The following ARHGEF26 variants were observed in gnomAD, a reference collection of about 807,000 sequenced individuals.
The protein encoded by ARHGEF26 is Rho guanine nucleotide exchange factor 26.
A neutral mutation model predicts 89.4 loss-of-function variants in ARHGEF26; 59 were observed. That is an observed-to-expected ratio of 0.66 (90% CI 0.54 to 0.82). The LOEUF is 0.82. Among genes scored for constraint, ARHGEF26 ranks in the 40% least tolerant of loss-of-function variants. The pLI is 0.00. For synonymous variants in ARHGEF26, 500 were observed against 428.4 expected, an observed-to-expected ratio of 1.17 and a Z score of -2.06; for missense variants, 1,234 against 1,085.6, an observed-to-expected ratio of 1.14 and a Z score of -1.92.
rs1365258521 is a variant in ARHGEF26 at position 154,136,769 on chromosome 3, A to G, written c.1269+7050A>G. Among the ~76,000 whole-genome samples the G allele has an allele frequency of 2.6e-5, 4 of 152,330 alleles. No homozygotes were observed. The East Asian group carries it at 7.7e-4, about 29-fold the overall frequency. ...TTGTTTGTGACTTGTTGCTTAAAAT[A>G]GTAATTTCTGTAGTTTTATAATTTT... On this transcript the variant is annotated intron_variant, in intron 4 of 14. Coordinates refer to ENST00000465093, the MANE Select transcript of ARHGEF26 (RefSeq NM_015595.4).
chr3:154,125,360 C>G (rs1251132879), intron 3 of ARHGEF26, among the ~76,000 whole-genome samples: 3 of 152,182 alleles, frequency 2.0e-5, no homozygotes, highest in East Asian at 1.9e-4. Context: ...AATTCATTCA[C>G]CGCACCAATC....
Position 154,255,412 on chromosome 3 carries a change from C to T in ARHGEF26, c.2555C>T (p.Ala852Val), listed in dbSNP as rs141877115. 3 of 1,613,702 alleles carry T rather than the reference C, an allele frequency of 1.9e-6. No individual in the cohort carries two copies. The highest frequency in any genetic ancestry group is 2.5e-6 in the Non-Finnish European group (3 of 1,179,858). The change falls in exon 15 of 15, where the codon GCT (alanine) becomes GTT (valine). Residue 852 changes from alanine to valine, a missense_variant. Transcript: ENST00000465093. ...MECAKEITCQ[A>V]TIDKNVERMG... The stretch of plus-strand genomic sequence containing the variant: ...TGTGCCAAGGAGATAACATGTCAAG[C>T]TACAATTGATAAGAATGTGGAGAGA...
intron 9 of ARHGEF26, among the ~76,000 whole-genome samples, chr3:154,206,403 A>G (rs1308113079): frequency 6.6e-6 from 1 of 152,222 alleles, no homozygotes; most frequent in Non-Finnish European, 1.5e-5. Flanking sequence ...CTGATAAACA[A>G]CTTGAGCAAA....
At chr3:154,231,283 A>G (rs1475659953) in intron 11 of ARHGEF26, among the ~76,000 whole-genome samples, 2 of 152,062 alleles carry the variant, frequency 1.3e-5, no homozygotes, top group African/African-American at 4.8e-5. Context: ...GTTATGAGGT[A>G]TTGTTTCCCC....
intron 6 of ARHGEF26, among the ~76,000 whole-genome samples, chr3:154,162,729 G>T (rs1353516891): frequency 2.0e-5 from 3 of 152,124 alleles, no homozygotes; most frequent in Non-Finnish European, 4.4e-5. Context: ...TGATGGAAGG[G>T]TGTCCTGTCC....
chr3:154,229,863 A>G (rs1716727831), intron 11 of ARHGEF26, among the ~76,000 whole-genome samples: 2 of 152,204 alleles, frequency 1.3e-5, no homozygotes, highest in Non-Finnish European at 2.9e-5. Context: ...GAATAGTAAT[A>G]TTGTATTATA....
chr3:154,219,873 C>T (rs1325236827), intron 10 of ARHGEF26, among the ~76,000 whole-genome samples: 3 of 151,324 alleles, frequency 2.0e-5, no homozygotes, highest in Non-Finnish European at 4.4e-5. Context: ...GAGATCGTGC[C>T]ACTGCACTCC....
At chr3:154,144,956 A>AC (rs1314207329) in intron 4 of ARHGEF26, among the ~76,000 whole-genome samples, 7 of 152,046 alleles carry the variant, frequency 4.6e-5, no homozygotes, top group African/African-American at 1.7e-4. Flanking sequence ...CCTTAAAAAA[A>AC]GCGTTCTCTC....
chr3:154,158,776 T>G (rs1465964863), intron 6 of ARHGEF26, among the ~76,000 whole-genome samples: 3 of 109,280 alleles, frequency 2.7e-5, no homozygotes, highest in South Asian at 8.3e-4. Context: ...ATACTTTGCA[T>G]ATTTTCATAT....
intron 9 of ARHGEF26, among the ~76,000 whole-genome samples, chr3:154,205,083 C>G: frequency 6.6e-6 from 1 of 151,970 alleles, no homozygotes; most frequent in East Asian, 1.9e-4. Flanking sequence ...GAAGATCTGC[C>G]CAGTGCTGAA....
intron 12 of ARHGEF26, among the ~76,000 whole-genome samples, chr3:154,248,345 C>T (rs1717920278): frequency 6.6e-6 from 1 of 152,176 alleles, no homozygotes; most frequent in Non-Finnish European, 1.5e-5. Context: ...TGAGCTTTTC[C>T]TGCTTCTGTT....
At chr3:154,150,301 G>A (rs889815407) in intron 5 of ARHGEF26, among the ~76,000 whole-genome samples, 3 of 151,776 alleles carry the variant, frequency 2.0e-5, no homozygotes, top group Non-Finnish European at 2.9e-5. Flanking sequence ...TTTTTAAAAA[G>A]AACATAAAAC....
intron 6 of ARHGEF26, among the ~76,000 whole-genome samples, chr3:154,182,917 A>G (rs901293063): frequency 2.0e-5 from 3 of 152,196 alleles, no homozygotes; most frequent in African/African-American, 7.2e-5. Flanking sequence ...ATCATCACAT[A>G]ATAAAGCAAC....
At chr3:154,121,729 G>A (rs919227792) in intron 1 of ARHGEF26, among the ~76,000 whole-genome samples, 4 of 152,172 alleles carry the variant, frequency 2.6e-5, no homozygotes, top group Admixed American at 2.6e-4. Context: ...GGGACGCGGA[G>A]GTGATTGGAT....
At chr3:154,147,272 G>A (rs917022267) in intron 4 of ARHGEF26, among the ~76,000 whole-genome samples, 1 of 152,146 alleles carries the variant, frequency 6.6e-6, no homozygotes, top group African/African-American at 2.4e-5. Flanking sequence ...AGGCACTGTG[G>A]TGCACGCCTA....
At position 154,129,731 on chromosome 3, in the gene ARHGEF26, T is replaced by C; in HGVS notation, c.1269+12T>C. On this transcript the variant is annotated intron_variant, in intron 4 of 14. Coordinates refer to ENST00000465093, the MANE Select transcript of ARHGEF26 (RefSeq NM_015595.4). ...GCCAACTCTCTGCGGTGAGTGTTTA[T>C]CTTCTTTTCTATCTGTGGTAGGAAA... is the stretch of plus-strand genomic sequence containing the variant. 6.2e-7 allele frequency: 1 copy of C among 1,600,998 alleles called. No homozygotes were observed.
intron 12 of ARHGEF26, among the ~76,000 whole-genome samples, chr3:154,243,707 T>G (rs957457297): frequency 1.3e-5 from 2 of 152,120 alleles, no homozygotes; most frequent in African/African-American, 4.8e-5. Flanking sequence ...TCTCCTTGGG[T>G]ACAGAGGGAG....
Position 154,162,596 on chromosome 3 carries a change from T to C in ARHGEF26, c.1487+9664T>C, listed in dbSNP as rs114355703. Among the ~76,000 whole-genome samples, 453 of 152,242 alleles carry C rather than the reference T, an allele frequency of 3.0e-3. 1 individual carries two copies. Among genetic ancestry groups the C allele is most frequent in the African/African-American group, 0.011 (440 of 41,552 alleles). ...GTGTGGAGTTTGCATGTTCTCCCGG[T>C]GTCTGCGTGGGTTTTCTCCAGGTAG... On this transcript the variant is annotated intron_variant, in intron 6 of 14. Coordinates refer to ENST00000465093, the MANE Select transcript of ARHGEF26 (RefSeq NM_015595.4).
intron 6 of ARHGEF26, among the ~76,000 whole-genome samples, chr3:154,183,295 C>T (rs908803465): frequency 6.6e-6 from 1 of 151,162 alleles, no homozygotes; most frequent in African/African-American, 2.4e-5. Context: ...AAATGCTTTA[C>T]AGGGAAAAAA....
Sources: allele counts gnomAD v4.1 joint callset (sites outside exome capture counted in the v4.1 genomes callset), GRCh38; gene constraint gnomAD v4.1.1; transcripts MANE v1.5; gene names NCBI Gene and HGNC (gene_info 2026-07-23, HGNC 2026-07-21).